B4GALNT3: variants seen among roughly 807,000 people sequenced by gnomAD.
B4GALNT3 encodes the protein beta-1,4-N-acetylgalactosaminyltransferase 3.
Under a neutral mutation model 120.2 loss-of-function variants are expected in B4GALNT3, and 86 were observed. That is an observed-to-expected ratio of 0.72 (90% CI 0.60 to 0.86). The LOEUF (loss-of-function observed/expected upper bound fraction) is 0.86, where lower values mean the gene tolerates loss of function less well. B4GALNT3 is among the 40% of genes least tolerant of loss of function. The probability of loss-of-function intolerance (pLI) is 0.00; values close to 1 mark genes in which losing one functional copy is unlikely to be tolerated. For missense variants in B4GALNT3, 1,167 were observed against 1,298.9 expected (o/e 0.90, Z 1.56); for synonymous variants, 518 against 510.4 (o/e 1.01, Z -0.20).
At chr12:485,214 G>A (rs947723844) in intron 1 of B4GALNT3, among the ~76,000 whole-genome samples, 8 of 152,166 alleles carry the variant, frequency 5.3e-5, no homozygotes, top group African/African-American at 1.9e-4. Context: ...GCCAGGGACA[G>A]GACAAGCCTG....
At chr12:508,408 T>A (rs1946517703) in intron 1 of B4GALNT3, among the ~76,000 whole-genome samples, 1 of 152,174 alleles carries the variant, frequency 6.6e-6, no homozygotes, top group Non-Finnish European at 1.5e-5. Context: ...GGCTCTTGAG[T>A]GCCTGGGACT....
chr12:492,897 CA>C (rs368327845), intron 1 of B4GALNT3, among the ~76,000 whole-genome samples: 1,324 of 122,018 alleles, frequency 0.011, 8 homozygotes, highest in Middle Eastern at 0.012. Flanking sequence ...TGCACATATG[CA>C]AAAAAAAAAA....
At chr12:518,099 AT>A (rs958661360) in intron 1 of B4GALNT3, among the ~76,000 whole-genome samples, 23 of 152,342 alleles carry the variant, frequency 1.5e-4, no homozygotes, top group Admixed American at 1.2e-3. Context: ...CATTTACCTA[AT>A]TCATCTTTCC....
rs1241463137 is a variant in B4GALNT3 at position 559,441 on chromosome 12, C to T, written c.2888+20C>T. On this transcript the variant is annotated intron_variant, in intron 19 of 19. Transcript: ENST00000266383. ...GGACAGGTGACTGGGAAGAGGAGGG[C>T]ATCCACGAGGCCTGGGAATTCCATG... 2.5e-6 allele frequency: 4 copies of T among 1,612,066 alleles called. No individual in the cohort carries two copies. Among genetic ancestry groups the T allele is most frequent in the Non-Finnish European group, 2.5e-6 (3 of 1,178,540 alleles).
At position 535,161 on chromosome 12, in the gene B4GALNT3, C is replaced by T. The variant is rs375428454; in HGVS notation, c.170-5C>T. 6.8e-5 allele frequency: 110 copies of T among 1,609,098 alleles called. No homozygotes were observed. Among genetic ancestry groups the T allele is most frequent in the Non-Finnish European group, 8.9e-5 (105 of 1,176,522 alleles). On this transcript the variant is annotated splice_region_variant and splice_polypyrimidine_tract_variant and intron_variant, in intron 1 of 19. Transcript: ENST00000266383. ...CCTGAGGGCTCCTCTCTTCCCCTTC[C>T]ACAGGGTACGGCAGCTGGAGAGAAC... is the stretch of plus-strand genomic sequence containing the variant.
intron 1 of B4GALNT3, among the ~76,000 whole-genome samples, chr12:491,914 C>T (rs1194046314): frequency 6.6e-6 from 1 of 151,692 alleles, no homozygotes; most frequent in African/African-American, 2.4e-5. Flanking sequence ...AAAAATTAGC[C>T]AGGTGTGGTG....
chr12:563,416 C>A lies in B4GALNT3; in HGVS notation c.*1965C>A, dbSNP rs1947252189. The A allele has an allele frequency of 6.6e-6, 1 of 152,304 alleles. No homozygotes were observed. The highest frequency in any genetic ancestry group is 2.4e-5 in the African/African-American group (1 of 41,460). 9.4% of individuals were successfully genotyped at this position (152,304 alleles called of 1,614,324 possible). On this transcript the variant is annotated 3_prime_UTR_variant, in exon 20 of 20. Transcript: ENST00000266383. ...CCTTAAGAGGAAGGGCCGGGCAAGG[C>A]CCCTACTCCCTAGAGAAATGTCTTG...
chr12:512,056 C>A (rs1946578641), intron 1 of B4GALNT3, among the ~76,000 whole-genome samples: 1 of 140,174 alleles, frequency 7.1e-6, no homozygotes, highest in African/African-American at 2.8e-5. Flanking sequence ...CACCTTCGAC[C>A]TTCTTCCACC....
At chr12:498,092 G>C (rs574278654) in intron 1 of B4GALNT3, among the ~76,000 whole-genome samples, 1 of 151,968 alleles carries the variant, frequency 6.6e-6, no homozygotes, top group Non-Finnish European at 1.5e-5. Flanking sequence ...CCCCTTCACT[G>C]CCCTGTCGGT....
At position 546,718 on chromosome 12, in the gene B4GALNT3, G is replaced by C; in HGVS notation, c.707+5G>C. 1 of 1,551,346 alleles carries C rather than the reference G, an allele frequency of 6.4e-7. No individual in the cohort carries two copies. Among genetic ancestry groups the C allele is most frequent in the South Asian group, 1.2e-5 (1 of 84,052 alleles). On this transcript the variant is annotated splice_donor_5th_base_variant and intron_variant, in intron 7 of 19. Coordinates refer to ENST00000266383, the MANE Select transcript of B4GALNT3 (RefSeq NM_173593.4). ...CCAAATTTCCAAGCCGGTGAGGTGA[G>C]TGAGGGTCAGGACAGGCGCTGTGGG...
chr12:558,089 G>T lies in B4GALNT3; in HGVS notation c.2607+1G>T. 6.2e-7 allele frequency: 1 copy of T among 1,613,744 alleles called. No individual in the cohort carries two copies. The highest frequency in any genetic ancestry group is 8.5e-7 in the Non-Finnish European group (1 of 1,179,932). On this transcript the variant is annotated splice_donor_variant, in intron 17 of 19. Coordinates refer to ENST00000266383, the MANE Select transcript of B4GALNT3 (RefSeq NM_173593.4). LOFTEE classifies it high-confidence loss of function. ...TCAGGCTGGCATAGACCTCGTGAAG[G>T]TAAAGGGCCTGGATGGGGCCTGCGA...
chr12:548,010 C>T lies in B4GALNT3; in HGVS notation c.708-14C>T. 2 of 1,613,130 alleles carry T rather than the reference C, an allele frequency of 1.2e-6. No homozygotes were observed. The highest frequency in any genetic ancestry group is 8.5e-7 in the Non-Finnish European group (1 of 1,179,430). On this transcript the variant is annotated splice_polypyrimidine_tract_variant and intron_variant, in intron 7 of 19. Coordinates refer to ENST00000266383, the MANE Select transcript of B4GALNT3 (RefSeq NM_173593.4). The surrounding 1 kb of genome is among the most constrained non-coding windows in gnomAD (Gnocchi z 4.9). ...GGAGATGGCGCTCTGCTTCCCTGCC[C>T]TCTCTCCCGCCAGCCTGTCAGCCTC...
At position 508,016 on chromosome 12, in the gene B4GALNT3, G is replaced by A. The variant is rs140740995; in HGVS notation, c.170-27150G>A. Reference sequence around the variant, plus strand: ...CCTGTCAGGAGTGCTTGAGTAGAGCGTTGATACTAACCTGTGAAAGAAATT... The same window carrying A: ...CCTGTCAGGAGTGCTTGAGTAGAGCATTGATACTAACCTGTGAAAGAAATT... On this transcript the variant is annotated intron_variant, in intron 1 of 19. Transcript: ENST00000266383. 1.4e-4 allele frequency among the ~76,000 whole-genome samples: 21 copies of A among 152,336 alleles called. 1 individual carries two copies. In the East Asian group the frequency reaches 2.1e-3, roughly 15 times the overall value.
intron 3 of B4GALNT3, among the ~76,000 whole-genome samples, chr12:538,452 G>A (rs1328670706): frequency 6.6e-6 from 1 of 151,724 alleles, no homozygotes; most frequent in African/African-American, 2.4e-5. Flanking sequence ...CCAGCTACTT[G>A]GGGGGCTGAG....
rs571278822 is a variant in B4GALNT3 at position 556,713 on chromosome 12, G to C, written c.2227G>C (p.Glu743Gln). The change falls in exon 15 of 20, where the codon GAG becomes CAG. Residue 743 changes from glutamate to glutamine, a missense_variant. Transcript: ENST00000266383. ...GCAGGGCATCGATCCAGCTGGTGGG[G>C]AGGAGGTCGAGGCCCGGAACCTGCA... The part of the protein sequence containing the change: ...GWQGIDPAGG[E>Q]EVEARNLQGL... 3.1e-6 allele frequency: 5 copies of C among 1,613,902 alleles called. No individual in the cohort carries two copies. Among genetic ancestry groups the C allele is most frequent in the African/African-American group, 2.7e-5 (2 of 75,064 alleles).
chr12:549,272 G>T (rs1420680964), intron 9 of B4GALNT3, among the ~76,000 whole-genome samples: 1 of 152,114 alleles, frequency 6.6e-6, no homozygotes, highest in Non-Finnish European at 1.5e-5. Context: ...ACTCAGCTTG[G>T]CCACCCGTCT....
intron 1 of B4GALNT3, among the ~76,000 whole-genome samples, chr12:530,057 A>G (rs1006320309): frequency 1.7e-5 from 2 of 118,918 alleles, no homozygotes; most frequent in Non-Finnish European, 3.3e-5. Flanking sequence ...GAGCAAAAAC[A>G]ATACATCCTG....
At chr12:529,389 C>T (rs563627840) in intron 1 of B4GALNT3, among the ~76,000 whole-genome samples, 7 of 152,246 alleles carry the variant, frequency 4.6e-5, no homozygotes, top group Non-Finnish European at 8.8e-5. Context: ...TTGCGCCATC[C>T]GCTGGGTTGA....
At chr12:557,835 G>A in intron 16 of B4GALNT3, 74 bp downstream of exon 16, 1 of 1,532,574 alleles carries the variant, frequency 6.5e-7, no homozygotes, top group Admixed American at 1.9e-5. Context: ...TGGGTCCAGG[G>A]TAGAGCCAGG....
Sources: allele counts gnomAD v4.1 joint callset (sites outside exome capture counted in the v4.1 genomes callset), GRCh38; gene constraint gnomAD v4.1.1; non-coding constraint Gnocchi (gnomAD v3.1); transcripts MANE v1.5; gene names NCBI Gene and HGNC (gene_info 2026-07-23, HGNC 2026-07-21).